TBCD: variants seen among roughly 807,000 people sequenced by gnomAD.
TBCD encodes tubulin folding cofactor D, also known as tubulin-specific chaperone D.
TBCD carries 105 observed loss-of-function variants against 169.3 expected under a neutral mutation model. The ratio of observed to expected loss-of-function variants is 0.62; its 90% CI spans 0.53 to 0.73. TBCD has a LOEUF of 0.73. Ranked by LOEUF, TBCD falls within the 30% of genes least tolerant of loss-of-function variation. The pLI is 0.00. For synonymous variants in TBCD, 700 were observed against 643.9 expected (o/e 1.09, Z -1.32); for missense variants, 1,444 against 1,600.1 (o/e 0.90, Z 1.66).
At chr17:82,761,498 G>A (rs1184193438) in intron 2 of TBCD, among the ~76,000 whole-genome samples, 1 of 152,134 alleles carries the variant, frequency 6.6e-6, no homozygotes, top group African/African-American at 2.4e-5. Flanking sequence ...ATCCCAAGGA[G>A]TTACTTGATG....
At chr17:82,876,965 TTAGA>T in intron 14 of TBCD, 1 of 985,412 alleles carries the variant, frequency 1.0e-6, no homozygotes, top group Non-Finnish European at 1.2e-6. Flanking sequence ...AACAGTAACC[TTAGA>T]GGGTTAGACT....
intron 13 of TBCD, chr17:82,839,020 C>G: frequency 1.0e-6 from 1 of 966,240 alleles, no homozygotes; most frequent in Non-Finnish European, 1.2e-6. Flanking sequence ...GAAAAAAACC[C>G]TTTTGTATCT....
chr17:82,905,827 G>C, intron 19 of TBCD, 109 bp from the exon 20 acceptor site: 1 of 772,550 alleles, frequency 1.3e-6, no homozygotes, highest in Non-Finnish European at 2.1e-6. Context: ...CCGTCCGTGT[G>C]TGCACGCCGT....
intron 14 of TBCD, among the ~76,000 whole-genome samples, chr17:82,878,467 C>T (rs1267927124): frequency 2.0e-5 from 3 of 152,172 alleles, no homozygotes; most frequent in Admixed American, 1.3e-4. Context: ...CCTCCAGAGA[C>T]GACTGGCCAG....
chr17:82,795,511 C>G, intron 7 of TBCD: 1 of 985,414 alleles, frequency 1.0e-6, no homozygotes, highest in South Asian at 4.7e-5. Context: ...GAGCACTTCA[C>G]TGTTCATCCC....
chr17:82,893,698 C>A (rs2059297807), intron 17 of TBCD, 66 bp downstream of exon 17: 3 of 1,209,000 alleles, frequency 2.5e-6, no homozygotes, highest in Middle Eastern at 1.9e-4. Flanking sequence ...CAGAAATCAG[C>A]TACCACCATT....
chr17:82,892,523 G>A (rs1451786791), intron 16 of TBCD, among the ~76,000 whole-genome samples: 3 of 152,126 alleles, frequency 2.0e-5, no homozygotes, highest in Non-Finnish European at 2.9e-5. Context: ...TGCTCATTCC[G>A]GCCTCTCCTG....
intron 13 of TBCD, among the ~76,000 whole-genome samples, chr17:82,847,477 G>A (rs1427326362): frequency 6.6e-6 from 1 of 152,060 alleles, no homozygotes; most frequent in Admixed American, 6.6e-5. Context: ...CTCTTGTGGT[G>A]AGATACAGCC....
chr17:82,766,413 G>A, intron 4 of TBCD, 45 bp downstream of exon 4: 2 of 1,459,680 alleles, frequency 1.4e-6, no homozygotes, highest in African/African-American at 1.4e-5. Flanking sequence ...CTCCGTGCCT[G>A]TCCTTCCTCC....
intron 13 of TBCD, among the ~76,000 whole-genome samples, chr17:82,856,990 TCGCTGGACCGCGTGCGGA>T (rs1287712437): frequency 5.7e-4 from 87 of 151,866 alleles, no homozygotes; most frequent in Middle Eastern, 3.4e-3. Context: ...CAGGGCGGGA[TCGCTGGACCGCGTGCGGA>T]CCCTCGGTGT....
intron 17 of TBCD, among the ~76,000 whole-genome samples, chr17:82,894,459 A>G (rs112734465): frequency 8.5e-5 from 13 of 152,292 alleles, no homozygotes; most frequent in African/African-American, 3.1e-4. Flanking sequence ...ACCATTAAAT[A>G]CCCTAAAGAT....
intron 7 of TBCD, among the ~76,000 whole-genome samples, chr17:82,787,703 C>T (rs2049415248): frequency 6.6e-6 from 1 of 152,224 alleles, no homozygotes; most frequent in Admixed American, 6.5e-5. Context: ...GTGGGCGAAA[C>T]AGGTGAACTC....
intron 37 of TBCD, 21 bp from the exon 38 acceptor site, chr17:82,941,378 C>T (rs764189523): frequency 3.2e-5 from 50 of 1,564,262 alleles, no homozygotes; most frequent in Non-Finnish European, 3.9e-5. Flanking sequence ...GAGAGACTCA[C>T]GGCTCTCCCT....
intron 7 of TBCD, among the ~76,000 whole-genome samples, chr17:82,790,288 T>C (rs1013779726): frequency 2.6e-5 from 4 of 152,200 alleles, no homozygotes; most frequent in Non-Finnish European, 4.4e-5. Flanking sequence ...AGTGCCAGAC[T>C]CTGTCCCATG....
rs773404551 is a variant in TBCD at position 82,806,989 on chromosome 17, G to A, written c.1088-619G>A. ...CCGCTGCAGGCAGTCCCCCCTGCCC[G>A]CATTCCAGCTGCTGTGCTGGCTCCA... On this transcript the variant is annotated intron_variant, in intron 10 of 38. Transcript: ENST00000355528. The surrounding 1 kb of genome is among the most constrained non-coding windows in gnomAD (Gnocchi z 5.1). 3.3e-5 allele frequency among the ~76,000 whole-genome samples: 5 copies of A among 152,180 alleles called. No individual in the cohort carries two copies. The highest frequency in any genetic ancestry group is 9.7e-5 in the African/African-American group (4 of 41,438).
In TBCD at chr17:82,884,977, T is replaced by A. The variant is rs1390051148; in HGVS notation, c.1533+775T>A. 6.6e-6 allele frequency: 1 copy of A among 151,390 alleles called. No homozygotes were observed. Among genetic ancestry groups the A allele is most frequent in the Non-Finnish European group, 1.5e-5 (1 of 67,926 alleles). 9.4% of individuals were successfully genotyped at this position (151,390 alleles called of 1,614,324 possible). On this transcript the variant is annotated intron_variant, in intron 15 of 38. Coordinates refer to ENST00000355528, the MANE Select transcript of TBCD (RefSeq NM_005993.5). The surrounding 1 kb of genome is among the most constrained non-coding windows in gnomAD (Gnocchi z 4.2). ...CAGCCCTTTGAGAAAGATGGAGGGG[T>A]GAGGTTGGCTTTTGGTGATGGGGTG...
At chr17:82,877,765 C>T (rs571918092) in intron 14 of TBCD, among the ~76,000 whole-genome samples, 18 of 152,284 alleles carry the variant, frequency 1.2e-4, no homozygotes, top group African/African-American at 4.3e-4. Context: ...TTAAAACGTT[C>T]GTGCTAATGT....
intron 13 of TBCD, among the ~76,000 whole-genome samples, chr17:82,836,403 C>T (rs535141586): frequency 3.9e-5 from 6 of 152,352 alleles, no homozygotes; most frequent in South Asian, 2.1e-4. Flanking sequence ...AGGATCGAAA[C>T]GATGACAGTT....
intron 13 of TBCD, among the ~76,000 whole-genome samples, chr17:82,844,619 C>G (rs897934388): frequency 1.3e-5 from 2 of 152,102 alleles, no homozygotes; most frequent in Admixed American, 1.3e-4. Flanking sequence ...TTCCAGGCTC[C>G]TCCGTGGTCC....
Sources: gnomAD v4.1 joint callset for allele counts (sites outside exome capture counted in the v4.1 genomes callset) on GRCh38, gnomAD v4.1.1 for gene constraint, Gnocchi (gnomAD v3.1) non-coding constraint, MANE v1.5 for transcripts, NCBI Gene and HGNC (gene_info 2026-07-23, HGNC 2026-07-21) for gene names.